The following SBNO1 variants were observed in gnomAD, a reference collection of about 807,000 sequenced individuals.
The protein encoded by SBNO1 is strawberry notch homolog 1.
SBNO1 carries 23 observed loss-of-function variants against 173.6 expected under a neutral mutation model. The ratio of observed to expected loss-of-function variants is 0.13; its 90% CI spans 0.10 to 0.19. SBNO1 has a LOEUF of 0.19. SBNO1 is among the 10% of genes least tolerant of loss of function. SBNO1 has a pLI of 1.00. For synonymous variants in SBNO1, 632 were observed against 571.5 expected (o/e 1.11, Z -1.51); for missense variants, 1,238 against 1,671.2 (o/e 0.74, Z 4.52).
chr12:123,314,204 T>C (rs1036796026), intron 23 of SBNO1, among the ~76,000 whole-genome samples: 2 of 152,084 alleles, frequency 1.3e-5, no homozygotes, highest in African/African-American at 4.8e-5. Flanking sequence ...GTTTTGCTCA[T>C]CGCCCAGGCT....
rs367950637 is a variant in SBNO1 at position 123,309,415 on chromosome 12, C to T, written c.3538-13G>A. On this transcript the variant is annotated splice_polypyrimidine_tract_variant and intron_variant, in intron 27 of 31. Coordinates refer to ENST00000602398, the MANE Select transcript of SBNO1 (RefSeq NM_001167856.3). ...TCTCTACACTAATCTGTAAGAGAAA[C>T]AACGAAATTTAAACTCATTTCTGTA... 1 of 1,611,412 alleles carries T rather than the reference C, an allele frequency of 6.2e-7. No homozygotes were observed. Among genetic ancestry groups the T allele is most frequent in the Non-Finnish European group, 8.5e-7 (1 of 1,177,520 alleles).
intron 1 of SBNO1, chr12:123,363,942 TG>T: frequency 1.0e-5 from 10 of 985,486 alleles, no homozygotes; most frequent in Non-Finnish European, 1.2e-5. Flanking sequence ...AAACCACTTC[TG>T]GGAAACCACC....
At chr12:123,351,137 G>C (rs1287733705) in intron 1 of SBNO1, among the ~76,000 whole-genome samples, 1 of 151,502 alleles carries the variant, frequency 6.6e-6, no homozygotes, top group Non-Finnish European at 1.5e-5. Flanking sequence ...AAAAAAAAAA[G>C]AAAAAGAAAA....
intron 4 of SBNO1, among the ~76,000 whole-genome samples, chr12:123,342,948 C>G (rs1247442345): frequency 6.6e-6 from 1 of 152,136 alleles, no homozygotes; most frequent in Non-Finnish European, 1.5e-5. Context: ...ACGAGTACAA[C>G]TAATTAAAGT....
intron 28 of SBNO1, 97 bp from the exon 29 acceptor site, chr12:123,304,816 T>C: frequency 1.2e-6 from 1 of 842,730 alleles, no homozygotes; most frequent in Non-Finnish European, 1.9e-6. Flanking sequence ...CATTTGAGAC[T>C]ATAACACTAA....
At chr12:123,331,766 C>T (rs956543169) in intron 7 of SBNO1, among the ~76,000 whole-genome samples, 8 of 152,118 alleles carry the variant, frequency 5.3e-5, no homozygotes, top group African/African-American at 1.9e-4. Context: ...GTGATCCGCC[C>T]GCCTCAGCCT....
At chr12:123,356,514 C>G (rs1251736455) in intron 1 of SBNO1, among the ~76,000 whole-genome samples, 1 of 152,202 alleles carries the variant, frequency 6.6e-6, no homozygotes, top group Non-Finnish European at 1.5e-5. Flanking sequence ...CAGCTCACTG[C>G]AACCTTGAAT....
chr12:123,353,089 C>T (rs961560074), intron 1 of SBNO1, among the ~76,000 whole-genome samples: 2 of 152,060 alleles, frequency 1.3e-5, no homozygotes, highest in Admixed American at 6.6e-5. Context: ...TGCACCACCG[C>T]GCCCAGCCTC....
At chr12:123,332,279 GTTTT>G (rs1252878998) in intron 7 of SBNO1, among the ~76,000 whole-genome samples, 1 of 152,040 alleles carries the variant, frequency 6.6e-6, no homozygotes, top group African/African-American at 2.4e-5. Flanking sequence ...AATCAAACAG[GTTTT>G]TGTTTGTTTT....
At chr12:123,325,879 C>A (rs1364924769) in intron 14 of SBNO1, among the ~76,000 whole-genome samples, 2 of 152,050 alleles carry the variant, frequency 1.3e-5, no homozygotes, top group Non-Finnish European at 2.9e-5. Context: ...AAATATTCAC[C>A]GAAAAGAAAA....
chr12:123,336,532 ACCAGACGC>A (rs1157975094), intron 5 of SBNO1, 41 bp from the exon 6 acceptor site: 1 of 1,311,930 alleles, frequency 7.6e-7, no homozygotes, highest in Non-Finnish European at 1.1e-6. Flanking sequence ...AAATCCAGGG[ACCAGACGC>A]CCAGCCAACA....
At chr12:123,349,927 AT>A (rs1873683552) in intron 2 of SBNO1, among the ~76,000 whole-genome samples, 2 of 151,650 alleles carry the variant, frequency 1.3e-5, no homozygotes, top group Admixed American at 1.3e-4. Context: ...AAAAAAAAAA[AT>A]TAACACATGT....
intron 4 of SBNO1, among the ~76,000 whole-genome samples, chr12:123,341,758 C>A (rs1280763218): frequency 1.3e-5 from 2 of 152,040 alleles, no homozygotes; most frequent in African/African-American, 4.8e-5. Flanking sequence ...GAACTCCCAA[C>A]CTCAGGTGAT....
Position 123,326,205 on chromosome 12 carries a change from A to G in SBNO1, c.1822T>C (p.Ser608Pro). ...AGTTGCACAACCCTTTTAACTTTGG[A>G]TGCTATGCATAAGTATTTGAAGAAC... The part of the protein sequence containing the change: ...QRFFKYLCIA[S>P]KVKRVVQLAR... Residue 608 changes from serine (S) to proline (P), a missense_variant, in exon 14 of 32, where the codon TCC becomes CCC. Around this residue, in one of 14 missense-constraint regions of SBNO1, gnomAD observed 182 missense variants for 339.9 expected, o/e 0.54. Coordinates refer to ENST00000602398, the MANE Select transcript of SBNO1 (RefSeq NM_001167856.3). The G allele has an allele frequency of 6.2e-7, 1 of 1,612,530 alleles. No individual in the cohort carries two copies. Among genetic ancestry groups the G allele is most frequent in the Non-Finnish European group, 8.5e-7 (1 of 1,179,070 alleles).
At chr12:123,327,656 C>T (rs749442795) in intron 12 of SBNO1, 51 bp downstream of exon 12, 5 of 1,587,994 alleles carry the variant, frequency 3.1e-6, no homozygotes, top group Non-Finnish European at 4.3e-6. Flanking sequence ...TTAGGAATAA[C>T]ACACTTCTTA....
rs61955061 is a variant in SBNO1 at position 123,341,692 on chromosome 12, T to C, written c.551-604A>G. 6.1e-3 allele frequency among the ~76,000 whole-genome samples: 925 copies of C among 151,786 alleles called. 11 individuals are homozygous for C. Among genetic ancestry groups the C allele is most frequent in the Non-Finnish European group, 7.7e-3 (522 of 67,940 alleles). ...ATGCGCCACCATGCCTGCCTAATTTTGTAATTTTTTTTTTAAGTAAAAACG... is the reference window on the plus strand; with the variant it reads ...ATGCGCCACCATGCCTGCCTAATTTCGTAATTTTTTTTTTAAGTAAAAACG... On this transcript the variant is annotated intron_variant, in intron 4 of 31. Coordinates refer to ENST00000602398, the MANE Select transcript of SBNO1 (RefSeq NM_001167856.3).
chr12:123,364,462 GC>G, intron 1 of SBNO1: 1 of 985,356 alleles, frequency 1.0e-6, no homozygotes, highest in Non-Finnish European at 1.2e-6. Flanking sequence ...AGCGGCGACA[GC>G]GGGGCCCGGC....
At chr12:123,324,966 T>C (rs2138982754) in intron 15 of SBNO1, among the ~76,000 whole-genome samples, 1 of 151,992 alleles carries the variant, frequency 6.6e-6, no homozygotes, top group Admixed American at 6.6e-5. Context: ...TGTGCCACCA[T>C]GCCCAACTAA....
Position 123,313,023 on chromosome 12 carries a change from T to C in SBNO1, c.3220+597A>G, listed in dbSNP as rs1205997674. Among the ~76,000 whole-genome samples the C allele has an allele frequency of 2.0e-5, 3 of 151,758 alleles. 1 individual carries two copies. In the South Asian group the frequency reaches 6.2e-4, roughly 32 times the overall value. Reference sequence around the variant, plus strand: ...ATCGAGACCATCCTGGCCAACATGGTGCAACGCCGTGTCTACTAAAAATAC... The same window carrying C: ...ATCGAGACCATCCTGGCCAACATGGCGCAACGCCGTGTCTACTAAAAATAC... On this transcript the variant is annotated intron_variant, in intron 24 of 31. Transcript: ENST00000602398.
Sources: allele counts gnomAD v4.1 joint callset (sites outside exome capture counted in the v4.1 genomes callset), GRCh38; gene constraint gnomAD v4.1.1; regional missense constraint gnomAD v4.1.1; transcripts MANE v1.5; gene names NCBI Gene and HGNC (gene_info 2026-07-23, HGNC 2026-07-21).